GAB2: variants seen among roughly 807,000 people sequenced by gnomAD.
The protein encoded by GAB2 is GRB2 associated binding protein 2.
A neutral mutation model predicts 65.5 loss-of-function variants in GAB2; 26 were observed. The observed-to-expected ratio is 0.40, with a 90% CI of 0.29 to 0.55. The LOEUF (loss-of-function observed/expected upper bound fraction) is 0.55, where lower values mean the gene tolerates loss of function less well. Among genes scored for constraint, GAB2 ranks in the 20% least tolerant of loss-of-function variants. The pLI is 0.53. For synonymous variants in GAB2, 321 were observed against 329.6 expected (o/e 0.97, Z 0.28); for missense variants, 884 against 875.8 (o/e 1.01, Z -0.12).
chr11:78,221,883 T>A (rs1197165263), intron 7 of GAB2, 104 bp from the exon 8 acceptor site: 10 of 751,010 alleles, frequency 1.3e-5, no homozygotes, highest in African/African-American at 1.7e-5. Flanking sequence ...ACCTCAGCCA[T>A]TAGAGCTGCA....
At chr11:78,371,824 A>C (rs2134728935) in intron 1 of GAB2, among the ~76,000 whole-genome samples, 1 of 152,212 alleles carries the variant, frequency 6.6e-6, no homozygotes, top group South Asian at 2.1e-4. Flanking sequence ...AGAAAGGTAG[A>C]AAAAAAATAA....
intron 1 of GAB2, among the ~76,000 whole-genome samples, chr11:78,361,983 CA>C (rs1490781201): frequency 2.0e-5 from 3 of 151,686 alleles, no homozygotes; most frequent in Non-Finnish European, 4.4e-5. Flanking sequence ...ATGCCTTCAC[CA>C]ATTGATGTAC....
At chr11:78,310,269 A>T (rs573062074) in intron 1 of GAB2, among the ~76,000 whole-genome samples, 126 of 151,780 alleles carry the variant, frequency 8.3e-4, no homozygotes, top group Non-Finnish European at 1.5e-3. Flanking sequence ...TTGGGAGGCC[A>T]AGGCGGTTGG....
intron 1 of GAB2, among the ~76,000 whole-genome samples, chr11:78,355,837 G>C (rs1250385655): frequency 6.6e-6 from 1 of 152,002 alleles, no homozygotes; most frequent in Non-Finnish European, 1.5e-5. Context: ...TAGGACCCTG[G>C]CTGGGTCAGT....
chr11:78,267,857 C>CAAAAAAAAAAAAAAAAAAAAAAAAAAA lies in GAB2; in HGVS notation c.376+12743_376+12744insTTTTTTTTTTTTTTTTTTTTTTTTTTT, dbSNP rs751533828. On this transcript the variant is annotated intron_variant, in intron 2 of 9. Transcript: ENST00000361507. ...TGGGTGATAGAGCGAGACTCCGTCT[C>CAAAAAAAAAAAAAAAAAAAAAAAAAAA]AAAAAAAAAAAAAAAAAAAAAAAAG... is the stretch of plus-strand genomic sequence containing the variant. Among the ~76,000 whole-genome samples the CAAAAAAAAAAAAAAAAAAAAAAAAAAA allele has an allele frequency of 8.2e-4, 27 of 32,796 alleles. 1 individual carries two copies. Among genetic ancestry groups the CAAAAAAAAAAAAAAAAAAAAAAAAAAA allele is most frequent in the East Asian group, 3.3e-3 (2 of 614 alleles). 21.5% of individuals were successfully genotyped at this position (32,796 alleles called of 152,430 possible). A position where few individuals can be genotyped will look rare whatever the true frequency, so the allele number is the denominator to read the frequency against.
intron 1 of GAB2, among the ~76,000 whole-genome samples, chr11:78,309,971 T>TGTGTGTGTGTGTGTGTGC (rs1421836447): frequency 8.3e-6 from 1 of 120,090 alleles, no homozygotes; most frequent in African/African-American, 3.6e-5. Flanking sequence ...TGTGTGTGTG[T>TGTGTGTGTGTGTGTGTGC]GCGCGCGCGC....
intron 8 of GAB2, 57 bp downstream of exon 8, chr11:78,221,620 G>C (rs1864426837): frequency 2.1e-5 from 22 of 1,032,422 alleles, no homozygotes; most frequent in Non-Finnish European, 3.0e-6. Context: ...GGGGAACTGA[G>C]GGGTGGGTCC....
At chr11:78,250,583 T>G (rs915560162) in intron 2 of GAB2, among the ~76,000 whole-genome samples, 183 bp from the exon 3 acceptor site, 1 of 152,148 alleles carries the variant, frequency 6.6e-6, no homozygotes, top group Admixed American at 6.6e-5. Flanking sequence ...GAAGAGGTCC[T>G]CTTTACCTTT....
At position 78,226,786 on chromosome 11, in the gene GAB2, T is replaced by G. The variant is rs764953671; in HGVS notation, c.886A>C (p.Lys296Gln). ...CTGCACAGGGTGTTGCTGGGCGTCT[T>G]GAAGGTGTACACATCCTCATTATCT... ...ETDNEDVYTF[K>Q]TPSNTLCREF... The change falls in exon 4 of 10, where the codon AAG (lysine) becomes CAG (glutamine). Residue 296 changes from lysine (K) to glutamine (Q), a missense_variant. By Grantham distance (53) the Lys-to-Gln change is moderately conservative. Coordinates refer to ENST00000361507, the MANE Select transcript of GAB2 (RefSeq NM_080491.3). 2.5e-6 allele frequency: 4 copies of G among 1,614,132 alleles called. No homozygotes were observed. In the South Asian group the frequency reaches 4.4e-5, roughly 18 times the overall value.
Position 78,417,766 on chromosome 11 carries a change from G to A in GAB2, c.-46C>T, listed in dbSNP as rs2135108707. On this transcript the variant is annotated 5_prime_UTR_variant, in exon 1 of 10. Transcript: ENST00000361507. Reference sequence around the variant, plus strand: ...CGCCGGGTCGCGCGGACGAGGGCGCGGGCTCGGGCAGCTGGGGCAGCGGCC... The same window carrying A: ...CGCCGGGTCGCGCGGACGAGGGCGCAGGCTCGGGCAGCTGGGGCAGCGGCC... 1 of 1,064,710 alleles carries A rather than the reference G, an allele frequency of 9.4e-7. No individual in the cohort carries two copies. The highest frequency in any genetic ancestry group is 1.2e-6 in the Non-Finnish European group (1 of 863,742). The allele number at this position is 1,064,710 out of a possible 1,614,324, so 66.0% of individuals were successfully genotyped here.
At chr11:78,363,036 A>C (rs1407398455) in intron 1 of GAB2, among the ~76,000 whole-genome samples, 1 of 152,128 alleles carries the variant, frequency 6.6e-6, no homozygotes, top group African/African-American at 2.4e-5. Flanking sequence ...TTTTTAAACA[A>C]CCTCCCAGTA....
rs1230683823 is a variant in GAB2, at chr11:78,223,412, C to T, written c.1567G>A (p.Ala523Thr). The change falls in exon 6 of 10, where the codon GCA becomes ACA. Residue 523 changes from alanine to threonine, a missense_variant and splice_region_variant. By Grantham distance (58) the Ala-to-Thr change is moderately conservative. Coordinates refer to ENST00000361507, the MANE Select transcript of GAB2 (RefSeq NM_080491.3). ...GGGACAGGGGAAAGAATGGACTTAC[C>T]TTTCCGATCAGGTTTGAGGTTGCGG... ...VNRNLKPDRKAKPTPLDLRNN... is the reference protein window; with the variant it reads ...VNRNLKPDRKTKPTPLDLRNN... 2.6e-6 allele frequency: 4 copies of T among 1,520,338 alleles called. No individual in the cohort carries two copies. The Admixed American group carries it at 6.4e-5, about 24-fold the overall frequency. The allele number at this position is 1,520,338 out of a possible 1,614,324, so 94.2% of individuals were successfully genotyped here.
intron 1 of GAB2, among the ~76,000 whole-genome samples, chr11:78,327,790 T>C (rs1004557779): frequency 1.3e-5 from 2 of 152,218 alleles, no homozygotes; most frequent in African/African-American, 4.8e-5. Context: ...AAATTCTTAA[T>C]AACTAGCAGT....
intron 3 of GAB2, among the ~76,000 whole-genome samples, chr11:78,246,626 G>T (rs374914704): frequency 1.3e-5 from 2 of 152,070 alleles, no homozygotes; most frequent in Non-Finnish European, 2.9e-5. Context: ...AGCCACCTGA[G>T]TAGCTGGGAT....
chr11:78,310,100 C>T (rs7941617), intron 1 of GAB2, among the ~76,000 whole-genome samples: 40,838 of 151,704 alleles, frequency 0.27, 6,622 homozygotes, highest in African/African-American at 0.44. Context: ...GATAAAATCT[C>T]GCATAACAAA....
intron 1 of GAB2, among the ~76,000 whole-genome samples, chr11:78,415,395 G>A (rs1212749796): frequency 6.6e-6 from 1 of 152,062 alleles, no homozygotes; most frequent in Non-Finnish European, 1.5e-5. Flanking sequence ...AATGAACTCG[G>A]GCCTCTACTG....
rs1219601573 is a variant in GAB2 at position 78,215,540 on chromosome 11, AACAAG to A, written c.*3727_*3731del. 6.6e-6 allele frequency: 1 copy of A among 152,626 alleles called. No homozygotes were observed. The highest frequency in any genetic ancestry group is 1.5e-5 in the Non-Finnish European group (1 of 68,048). The allele number at this position is 152,626 out of a possible 1,614,324, so 9.5% of individuals were successfully genotyped here. A position where few individuals can be genotyped will look rare whatever the true frequency, so the allele number is the denominator to read the frequency against. On this transcript the variant is annotated 3_prime_UTR_variant, in exon 10 of 10. Coordinates refer to ENST00000361507, the MANE Select transcript of GAB2 (RefSeq NM_080491.3). ...AAATTAAATGTCAATTTTAAATGGTAACAAGACAAGAACTCAAGACTGGGCTTCCA... is the reference window on the plus strand; with the variant it reads ...AAATTAAATGTCAATTTTAAATGGTAACAAGAACTCAAGACTGGGCTTCCA...
At chr11:78,264,629 A>G (rs1029065337) in intron 2 of GAB2, among the ~76,000 whole-genome samples, 2 of 148,532 alleles carry the variant, frequency 1.3e-5, no homozygotes, top group African/African-American at 5.0e-5. Flanking sequence ...CTGGTCTTGA[A>G]CTCCTGACCC....
chr11:78,382,914 T>C (rs1400478737), intron 1 of GAB2, among the ~76,000 whole-genome samples: 1 of 152,252 alleles, frequency 6.6e-6, no homozygotes, highest in African/African-American at 2.4e-5. Flanking sequence ...GGTTCTGGCC[T>C]CTCAGATTCC....
Sources: gnomAD v4.1 joint callset for allele counts (sites outside exome capture counted in the v4.1 genomes callset) on GRCh38, gnomAD v4.1.1 for gene constraint, MANE v1.5 for transcripts, NCBI Gene and HGNC (gene_info 2026-07-23, HGNC 2026-07-21) for gene names.